The following CEP57 variants were observed in gnomAD, a reference collection of about 807,000 sequenced individuals.
The protein encoded by CEP57 is centrosomal protein of 57 kDa.
Under a neutral mutation model 68.0 loss-of-function variants are expected in CEP57, and 40 were observed. That is an observed-to-expected ratio of 0.59 (90% confidence interval 0.46 to 0.77). The LOEUF (loss-of-function observed/expected upper bound fraction) is 0.77, where lower values mean the gene tolerates loss of function less well. CEP57 is among the 30% of genes least tolerant of loss of function. The pLI is 0.00. For synonymous variants in CEP57, 219 were observed against 198.7 expected, an observed-to-expected ratio of 1.10 and a Z score of -0.86; for missense variants, 606 against 580.7, an observed-to-expected ratio of 1.04 and a Z score of -0.45.
rs886800870 is a variant in CEP57, at chr11:95,790,849, A to T, written c.45+106A>T. 13 of 1,359,426 alleles carry T rather than the reference A, an allele frequency of 9.6e-6. No homozygotes were observed. In the African/African-American group the frequency reaches 1.6e-4, roughly 17 times the overall value. The allele number at this position is 1,359,426 out of a possible 1,614,324, so 84.2% of individuals were successfully genotyped here. A position where few individuals can be genotyped will look rare whatever the true frequency, so the allele number is the denominator to read the frequency against. On this transcript the variant is annotated intron_variant, in intron 1 of 10. Transcript: ENST00000325542. ...AGTCCAGCTTCTGACGCAATTCTGG[A>T]GGTCGGCGGGAATGCCTAGATTGCC...
At position 95,831,045 on chromosome 11, in the gene CEP57, A is replaced by C. The variant is rs367799359; in HGVS notation, c.1292A>C (p.Glu431Ala). Residue 431 changes from glutamate to alanine, a missense_variant, in exon 11 of 11, where the codon GAG becomes GCG. Glu to Ala is a moderately radical substitution (Grantham distance 107). Coordinates refer to ENST00000325542, the MANE Select transcript of CEP57 (RefSeq NM_014679.5). ...GTATAGCTGGAGAAACAGAAGTTAG[A>C]GAAGCAGAAGAAGGAATTAAAAGCT... ...YQAQLEKQKLEKQKKELKATK... is the reference protein window; with the variant it reads ...YQAQLEKQKLAKQKKELKATK... The C allele has an allele frequency of 1.9e-5, 30 of 1,611,990 alleles. No individual in the cohort carries two copies. The highest frequency in any genetic ancestry group is 2.4e-5 in the Non-Finnish European group (28 of 1,178,492).
intron 4 of CEP57, among the ~76,000 whole-genome samples, chr11:95,817,448 AC>A (rs1380866427): frequency 2.0e-5 from 3 of 152,178 alleles, no homozygotes; most frequent in Non-Finnish European, 4.4e-5. Context: ...CATAATTTTT[AC>A]CCTAATTAAG....
chr11:95,812,511 C>T (rs1273100690), intron 2 of CEP57, among the ~76,000 whole-genome samples: 2 of 152,170 alleles, frequency 1.3e-5, no homozygotes, highest in South Asian at 4.2e-4. Flanking sequence ...GCAACCTCCA[C>T]CCCTCCACAC....
intron 2 of CEP57, among the ~76,000 whole-genome samples, chr11:95,811,861 A>G (rs1012154569): frequency 6.6e-5 from 10 of 152,196 alleles, no homozygotes; most frequent in African/African-American, 1.7e-4. Context: ...TTAGTTTTTA[A>G]TTATTGATCA....
chr11:95,810,296 A>G (rs1481660037), intron 2 of CEP57, among the ~76,000 whole-genome samples: 1 of 152,212 alleles, frequency 6.6e-6, no homozygotes, highest in East Asian at 1.9e-4. Context: ...GGCACAAGAC[A>G]GGGATGCCGT....
intron 6 of CEP57, 111 bp downstream of exon 6, chr11:95,819,015 AC>A: frequency 1.2e-6 from 1 of 848,016 alleles, no homozygotes; most frequent in Non-Finnish European, 1.9e-6. Context: ...GAATAGTCCA[AC>A]ATACAAATTT....
At chr11:95,816,564 A>G (rs945506823) in intron 4 of CEP57, among the ~76,000 whole-genome samples, 13 of 152,240 alleles carry the variant, frequency 8.5e-5, no homozygotes, top group Admixed American at 8.5e-4. Flanking sequence ...ATAGATGTCA[A>G]GAGCTGTTAA....
intron 4 of CEP57, chr11:95,815,017 T>C (rs1336396383): frequency 1.3e-5 from 2 of 152,274 alleles, no homozygotes; most frequent in Non-Finnish European, 2.9e-5. Context: ...GTTGCTGTAC[T>C]ATATTGTTTG....
intron 6 of CEP57, among the ~76,000 whole-genome samples, chr11:95,820,342 T>C (rs1442448033): frequency 6.6e-6 from 1 of 152,160 alleles, no homozygotes; most frequent in East Asian, 1.9e-4. Context: ...AGTCTGGATT[T>C]TTATCATTGT....
At chr11:95,806,287 A>G (rs572937445) in intron 2 of CEP57, among the ~76,000 whole-genome samples, 29 of 152,330 alleles carry the variant, frequency 1.9e-4, no homozygotes, top group African/African-American at 7.0e-4. Flanking sequence ...GAACAGCTCC[A>G]GTCTACAGCT....
At chr11:95,816,778 G>T (rs1862313493) in intron 4 of CEP57, among the ~76,000 whole-genome samples, 1 of 152,036 alleles carries the variant, frequency 6.6e-6, no homozygotes, top group South Asian at 2.1e-4. Flanking sequence ...TAGTATAATG[G>T]TTTACGGGTG....
chr11:95,813,043 A>G lies in CEP57; in HGVS notation c.314A>G (p.Lys105Arg). The change falls in exon 3 of 11, where the codon AAG becomes AGG. Residue 105 changes from lysine (K) to arginine (R), a missense_variant. Lys to Arg is a conservative substitution (Grantham distance 26). Transcript: ENST00000325542. ...TTGTCTAGAGAAACAATTGAATATA[A>G]GAAAGTACTGGATGAACAGATACAA... ...KTLSRETIEY[K>R]KVLDEQIQER... 6.2e-7 allele frequency: 1 copy of G among 1,613,950 alleles called. No homozygotes were observed. The highest frequency in any genetic ancestry group is 8.5e-7 in the Non-Finnish European group (1 of 1,179,930).
rs1862995683 is a variant in CEP57, at chr11:95,831,244, T to C, written c.1491T>C (p.Cys497=). 6.2e-7 allele frequency: 1 copy of C among 1,609,894 alleles called. No homozygotes were observed. Among genetic ancestry groups the C allele is most frequent in the African/African-American group, 1.3e-5 (1 of 74,952 alleles). ...IQNSLQSSSL[C]WDY ...ATTCATTACAAAGCAGTAGTTTGTGTTGGGATTACTGACTCATAACCAGGT... is the reference window on the plus strand; with the variant it reads ...ATTCATTACAAAGCAGTAGTTTGTGCTGGGATTACTGACTCATAACCAGGT... The change falls in exon 11 of 11, where the codon TGT becomes TGC. Residue 497 remains cysteine, a synonymous_variant. Coordinates refer to ENST00000325542, the MANE Select transcript of CEP57 (RefSeq NM_014679.5).
intron 10 of CEP57, among the ~76,000 whole-genome samples, chr11:95,830,820 A>T (rs891907241): frequency 1.3e-5 from 2 of 151,440 alleles, no homozygotes; most frequent in Admixed American, 1.3e-4. Flanking sequence ...TATATATATA[A>T]GCATATATTT....
At chr11:95,790,362 G>A (rs1439261527), upstream of CEP57, 6 of 438,140 alleles carry the variant, frequency 1.4e-5, no homozygotes, top group South Asian at 2.7e-5. Flanking sequence ...CTGTAACCCC[G>A]GCGTTGTCTG....
intron 1 of CEP57, among the ~76,000 whole-genome samples, chr11:95,793,855 T>G (rs956266683): frequency 6.6e-6 from 1 of 152,218 alleles, no homozygotes; most frequent in Non-Finnish European, 1.5e-5. Context: ...GAAACAATCT[T>G]GTATTCATTG....
intron 8 of CEP57, chr11:95,822,789 A>G (rs1329283150): frequency 3.6e-6 from 2 of 550,496 alleles, no homozygotes; most frequent in Non-Finnish European, 6.6e-6. Flanking sequence ...TAGATAAAGT[A>G]TATGTGGAAA....
intron 8 of CEP57, among the ~76,000 whole-genome samples, chr11:95,825,110 G>C (rs1489731500): frequency 6.6e-6 from 1 of 152,168 alleles, no homozygotes; most frequent in East Asian, 1.9e-4. Context: ...CTCTGGATCA[G>C]GGAGCATAAG....
Position 95,829,247 on chromosome 11 carries a change from G to A in CEP57, c.1188G>A (p.Lys396=). 1 of 1,614,038 alleles carries A rather than the reference G, an allele frequency of 6.2e-7. No individual in the cohort carries two copies. Residue 396 remains lysine (K), a synonymous_variant, in exon 10 of 11, where the codon AAG becomes AAA. Coordinates refer to ENST00000325542, the MANE Select transcript of CEP57 (RefSeq NM_014679.5). ...QESPTVELKD[K]LECELEALVG... ...CGCCAACCGTTGAACTGAAAGACAA[G>A]TTGGAGTGTGAATTGGAGGCATTAG...
Sources: allele counts gnomAD v4.1 joint callset (sites outside exome capture counted in the v4.1 genomes callset), GRCh38; gene constraint gnomAD v4.1.1; transcripts MANE v1.5; gene names NCBI Gene and HGNC (gene_info 2026-07-23, HGNC 2026-07-21).